The following GPR161 variants were observed in gnomAD, a reference collection of about 807,000 sequenced individuals.
GPR161 encodes the protein G protein-coupled receptor 161.
Under a neutral mutation model 39.2 loss-of-function variants are expected in GPR161, and 25 were observed. The ratio of observed to expected loss-of-function variants is 0.64; its 90% CI spans 0.47 to 0.89. The LOEUF (loss-of-function observed/expected upper bound fraction) is 0.89. Ranked by LOEUF, GPR161 falls within the 40% of genes least tolerant of loss-of-function variation. The pLI, the probability that GPR161 is intolerant of heterozygous loss-of-function variation, is 0.00. For synonymous variants in GPR161, 286 were observed against 276.6 expected (o/e 1.03, Z -0.34); for missense variants, 547 against 677.8 (o/e 0.81, Z 2.14).
intron 1 of GPR161, among the ~76,000 whole-genome samples, chr1:168,121,014 A>C (rs1042309289): frequency 1.3e-5 from 2 of 152,204 alleles, no homozygotes; most frequent in Admixed American, 1.3e-4. Flanking sequence ...TGGAAAAAAA[A>C]CATATCTAGG....
intron 1 of GPR161, among the ~76,000 whole-genome samples, chr1:168,121,775 A>T (rs1280051121): frequency 6.6e-6 from 1 of 152,204 alleles, no homozygotes; most frequent in African/African-American, 2.4e-5. Context: ...CGGCTGCCCC[A>T]GCCTCAACCA....
intron 1 of GPR161, among the ~76,000 whole-genome samples, chr1:168,106,446 C>T (rs888553270): frequency 2.6e-4 from 39 of 152,254 alleles, no homozygotes; most frequent in Admixed American, 7.8e-4. Context: ...GAAAATTATC[C>T]GGGAATGGTC....
Position 168,084,953 on chromosome 1 carries a change from C to T in GPR161, c.*578G>A, listed in dbSNP as rs1415558709. ...CAGGTGGCGCCACTGAGGACCGCTC[C>T]GAAGCGCTCTGCTCCTGGGTGCTTT... is the stretch of plus-strand genomic sequence containing the variant. On this transcript the variant is annotated 3_prime_UTR_variant, in exon 6 of 6. Coordinates refer to ENST00000682931, the MANE Select transcript of GPR161 (RefSeq NM_001375883.1). 1 of 456,194 alleles carries T rather than the reference C, an allele frequency of 2.2e-6. No homozygotes were observed. The highest frequency in any genetic ancestry group is 2.0e-5 in the African/African-American group (1 of 50,084). The allele number at this position is 456,194 out of a possible 1,614,324, so 28.3% of individuals were successfully genotyped here.
intron 2 of GPR161, among the ~76,000 whole-genome samples, chr1:168,100,037 C>A: frequency 6.6e-6 from 1 of 151,374 alleles, no homozygotes; most frequent in African/African-American, 2.4e-5. Flanking sequence ...CACATCTCTA[C>A]AAAAAATAAA....
intron 1 of GPR161, among the ~76,000 whole-genome samples, chr1:168,132,383 T>C (rs1040102747): frequency 4.0e-5 from 6 of 151,652 alleles, no homozygotes; most frequent in Admixed American, 1.3e-4. Context: ...GTCAGGAGAT[T>C]GAGACCATCC....
chr1:168,096,409 A>C (rs1001246797), intron 3 of GPR161, 99 bp downstream of exon 3: 5 of 1,200,300 alleles, frequency 4.2e-6, no homozygotes, highest in Admixed American at 4.3e-5. Flanking sequence ...CCTTACCGCC[A>C]GTCAGCCTGA....
intron 1 of GPR161, among the ~76,000 whole-genome samples, chr1:168,115,778 ATTTTTTTT>A (rs534629775): frequency 7.0e-6 from 1 of 143,880 alleles, no homozygotes. Context: ...TCCAGAGAAA[ATTTTTTTT>A]TTTTTTTGAG....
intron 1 of GPR161, among the ~76,000 whole-genome samples, chr1:168,115,872 T>C (rs1397882596): frequency 6.6e-6 from 1 of 151,356 alleles, no homozygotes; most frequent in East Asian, 1.9e-4. Flanking sequence ...ACCTCCCGGG[T>C]TCACGCCATT....
intron 1 of GPR161, chr1:168,133,890 T>C: frequency 1.0e-6 from 1 of 965,178 alleles, no homozygotes; most frequent in South Asian, 4.8e-5. Flanking sequence ...GTTTCCAGGC[T>C]TGGTGACCAT....
In GPR161 at chr1:168,084,698, C is replaced by CT. The variant is rs1349162337; in HGVS notation, c.*832dup. The CT allele has an allele frequency of 7.9e-6, 3 of 379,744 alleles. No individual in the cohort carries two copies. The highest frequency in any genetic ancestry group is 2.1e-5 in the African/African-American group (1 of 47,110). The allele number at this position is 379,744 out of a possible 1,614,324, so 23.5% of individuals were successfully genotyped here. A position where few individuals can be genotyped will look rare whatever the true frequency, so the allele number is the denominator to read the frequency against. ...ATTCCCTTCCATAATAACAGTTTCT[C>CT]TATTTCCTGGCTGTGCTTGGCACTA... On this transcript the variant is annotated 3_prime_UTR_variant, in exon 6 of 6. Coordinates refer to ENST00000682931, the MANE Select transcript of GPR161 (RefSeq NM_001375883.1).
chr1:168,132,905 C>T (rs1184593893), intron 1 of GPR161, among the ~76,000 whole-genome samples: 2 of 152,100 alleles, frequency 1.3e-5, no homozygotes, highest in Admixed American at 6.5e-5. Context: ...CCACCATGCC[C>T]GGCTAATTTT....
intron 3 of GPR161, 29 bp from the exon 4 acceptor site, chr1:168,090,697 C>T (rs764755280): frequency 1.5e-6 from 2 of 1,323,304 alleles, no homozygotes; most frequent in South Asian, 2.4e-5. Context: ...ATTGACAACA[C>T]AATCACACTC....
At chr1:168,123,568 ACACACACACAC>A (rs1698363177) in intron 1 of GPR161, among the ~76,000 whole-genome samples, 1 of 150,916 alleles carries the variant, frequency 6.6e-6, no homozygotes, top group South Asian at 2.2e-4. Context: ...ACACACACAC[ACACACACACAC>A]TTGTTTGCAT....
At position 168,084,756 on chromosome 1, in the gene GPR161, G is replaced by T. The variant is rs920026430; in HGVS notation, c.*775C>A. 3 of 450,790 alleles carry T rather than the reference G, an allele frequency of 6.7e-6. No homozygotes were observed. The highest frequency in any genetic ancestry group is 1.3e-5 in the Non-Finnish European group (3 of 225,726). The allele number at this position is 450,790 out of a possible 1,614,324, so 27.9% of individuals were successfully genotyped here. On this transcript the variant is annotated 3_prime_UTR_variant, in exon 6 of 6. Coordinates refer to ENST00000682931, the MANE Select transcript of GPR161 (RefSeq NM_001375883.1). ...ATTCAGTCCGGTAAAACAGTGGTAC[G>T]TCTTAAATGGATTTTTTTTTTAATT...
intron 1 of GPR161, among the ~76,000 whole-genome samples, chr1:168,112,770 T>C (rs1697323878): frequency 6.6e-6 from 1 of 151,960 alleles, no homozygotes; most frequent in Admixed American, 6.6e-5. Context: ...GGCAGGAGAA[T>C]CACTGGAACC....
intron 1 of GPR161, among the ~76,000 whole-genome samples, chr1:168,127,993 C>T (rs1168106400): frequency 1.3e-5 from 2 of 152,190 alleles, no homozygotes; most frequent in Non-Finnish European, 1.5e-5. Flanking sequence ...TGCCCCCTCC[C>T]AGAACTGAGC....
At chr1:168,105,022 C>T (rs1222271952) in intron 1 of GPR161, 128 bp from the exon 2 acceptor site, 1 of 666,034 alleles carries the variant, frequency 1.5e-6, no homozygotes, top group Non-Finnish European at 2.5e-6. Flanking sequence ...TACAGACTCT[C>T]AGCGGGTCTT....
At chr1:168,132,907 G>A (rs1310672646) in intron 1 of GPR161, among the ~76,000 whole-genome samples, 1 of 152,024 alleles carries the variant, frequency 6.6e-6, no homozygotes, top group African/African-American at 2.4e-5. Context: ...ACCATGCCCG[G>A]CTAATTTTTG....
At chr1:168,087,900 G>A in intron 4 of GPR161, 196 bp from the exon 5 acceptor site, 2 of 520,650 alleles carry the variant, frequency 3.8e-6, no homozygotes, top group Non-Finnish European at 6.6e-6. Flanking sequence ...CAGACAGCCG[G>A]TGGGGCTGCG....
Sources: gnomAD v4.1 joint callset for allele counts (sites outside exome capture counted in the v4.1 genomes callset) on GRCh38, gnomAD v4.1.1 for gene constraint, MANE v1.5 for transcripts, NCBI Gene and HGNC (gene_info 2026-07-23, HGNC 2026-07-21) for gene names.